PTK7: variants seen among roughly 807,000 people sequenced by gnomAD.
PTK7 encodes the protein inactive tyrosine-protein kinase 7.
In PTK7, 39 loss-of-function variants were observed where a neutral mutation model predicts 116.6. The ratio of observed to expected loss-of-function variants is 0.33; its 90% CI spans 0.26 to 0.44. PTK7 has a LOEUF of 0.44. Among genes scored for constraint, PTK7 ranks in the 20% least tolerant of loss-of-function variants. The pLI is 1.00. For synonymous variants in PTK7, 546 were observed against 563.6 expected (o/e 0.97, Z 0.44); for missense variants, 1,169 against 1,425.6 (o/e 0.82, Z 2.90).
At chr6:43,124,249 T>C (rs1582143857) in intron 1 of PTK7, among the ~76,000 whole-genome samples, 2 of 152,178 alleles carry the variant, frequency 1.3e-5, no homozygotes, top group African/African-American at 4.8e-5. Flanking sequence ...CCGCCTGCCT[T>C]CTTCTCTGTC....
intron 1 of PTK7, among the ~76,000 whole-genome samples, chr6:43,119,645 C>T (rs1265212791): frequency 6.6e-6 from 1 of 152,246 alleles, no homozygotes; most frequent in Non-Finnish European, 1.5e-5. Flanking sequence ...ACTGGGAGCA[C>T]TGGCTGAGCA....
intron 7 of PTK7, among the ~76,000 whole-genome samples, chr6:43,137,607 ATGT>A (rs1326146369): frequency 1.3e-5 from 2 of 152,216 alleles, no homozygotes; most frequent in Non-Finnish European, 2.9e-5. Flanking sequence ...CCAACCATTC[ATGT>A]TGTATTGAAG....
In PTK7 at chr6:43,132,557, T is replaced by C; in HGVS notation, c.1098T>C (p.His366=). 1 of 1,613,432 alleles carries C rather than the reference T, an allele frequency of 6.2e-7. No individual in the cohort carries two copies. Among genetic ancestry groups the C allele is most frequent in the South Asian group, 1.1e-5 (1 of 91,080 alleles). ...WEHAGVRLPT[H]GRVYQKGHEL... is the part of the protein sequence containing the mutation. Reference sequence around the variant, plus strand: ...ACGCGGGAGTCCGGCTGCCCACCCATGGCAGGGTCTACCAGAAGGGCCACG... The same window carrying C: ...ACGCGGGAGTCCGGCTGCCCACCCACGGCAGGGTCTACCAGAAGGGCCACG... Residue 366 remains histidine (H), a synonymous_variant, in exon 7 of 20, where the codon CAT becomes CAC. Coordinates refer to ENST00000230419, the MANE Select transcript of PTK7 (RefSeq NM_002821.5).
At chr6:43,159,001 AT>A in intron 18 of PTK7, 33 bp downstream of exon 18, 2 of 1,608,632 alleles carry the variant, frequency 1.2e-6, no homozygotes, top group Non-Finnish European at 8.5e-7. Context: ...GGGGCTCCCC[AT>A]TTTTTCCCAG....
intron 1 of PTK7, among the ~76,000 whole-genome samples, chr6:43,123,125 G>A (rs2011140593): frequency 6.6e-6 from 1 of 151,928 alleles, no homozygotes; most frequent in African/African-American, 2.4e-5. Context: ...GCCTGGTCCT[G>A]AGACATCTGA....
chr6:43,137,205 A>G (rs1770093444), intron 7 of PTK7, among the ~76,000 whole-genome samples: 1 of 152,194 alleles, frequency 6.6e-6, no homozygotes, highest in African/African-American at 2.4e-5. Flanking sequence ...TGAGACTAGA[A>G]TGTTAGGGCC....
chr6:43,127,717 C>T (rs532367016), intron 1 of PTK7, among the ~76,000 whole-genome samples: 1 of 152,068 alleles, frequency 6.6e-6, no homozygotes, highest in Admixed American at 6.6e-5. Flanking sequence ...ATCACGAGGT[C>T]AGGAGATCGA....
intron 1 of PTK7, among the ~76,000 whole-genome samples, chr6:43,106,106 G>C (rs1370492319): frequency 6.6e-6 from 1 of 151,730 alleles, no homozygotes; most frequent in Non-Finnish European, 1.5e-5. Context: ...TGTTGTTGGG[G>C]GACAGCCTGA....
chr6:43,128,795 A>G (rs1249701141), intron 1 of PTK7, among the ~76,000 whole-genome samples, 182 bp from the exon 2 acceptor site: 2 of 152,214 alleles, frequency 1.3e-5, no homozygotes, highest in East Asian at 3.8e-4. Context: ...AGAAATCTCA[A>G]AAAGAAAAAG....
At chr6:43,130,209 C>T (rs1430132110) in intron 3 of PTK7, 21 bp from the exon 4 acceptor site, 3 of 1,548,214 alleles carry the variant, frequency 1.9e-6, no homozygotes, top group South Asian at 1.2e-5. Flanking sequence ...CCCACCACTG[C>T]TGACTGTGTC....
intron 1 of PTK7, among the ~76,000 whole-genome samples, chr6:43,112,046 C>T (rs1212741877): frequency 2.0e-5 from 3 of 151,996 alleles, no homozygotes; most frequent in Non-Finnish European, 2.9e-5. Context: ...TGTCCAAGGT[C>T]ATACTCTTGG....
Position 43,129,966 on chromosome 6 carries a change from C to A in PTK7, c.470+137C>A. 1.1e-6 allele frequency: 1 copy of A among 946,662 alleles called. No homozygotes were observed. The highest frequency in any genetic ancestry group is 1.6e-6 in the Non-Finnish European group (1 of 620,498). 58.6% of individuals were successfully genotyped at this position (946,662 alleles called of 1,614,324 possible). A position where few individuals can be genotyped will look rare whatever the true frequency, so the allele number is the denominator to read the frequency against. On this transcript the variant is annotated intron_variant, in intron 3 of 19. Coordinates refer to ENST00000230419, the MANE Select transcript of PTK7 (RefSeq NM_002821.5). This position sits in a 1 kb window ranked among gnomAD's most constrained non-coding sequence, Gnocchi z 4.5. ...CACCACCACAGTGCTCTTCACCCTG[C>A]CCTCCCCCAGATATTGCCCTATGCC...
In PTK7 at chr6:43,139,558, G is replaced by T; in HGVS notation, c.1618+33G>T. The T allele has an allele frequency of 6.2e-7, 1 of 1,612,496 alleles. No individual in the cohort carries two copies. The highest frequency in any genetic ancestry group is 1.3e-5 in the African/African-American group (1 of 75,064). ...CAGTGCCGGCATAGGGTAGGGGCAGGCAGGCAGTTCACTGATCAGATACAT... is the reference window on the plus strand; with the variant it reads ...CAGTGCCGGCATAGGGTAGGGGCAGTCAGGCAGTTCACTGATCAGATACAT... On this transcript the variant is annotated intron_variant, in intron 10 of 19. Transcript: ENST00000230419. The surrounding 1 kb of genome is among the most constrained non-coding windows in gnomAD (Gnocchi z 4.6).
At chr6:43,142,387 G>C (rs751452153) in intron 13 of PTK7, 88 bp downstream of exon 13, 7 of 1,589,272 alleles carry the variant, frequency 4.4e-6, no homozygotes, top group Non-Finnish European at 6.0e-6. Context: ...ACAGAACATG[G>C]CACAGAAGCC....
At chr6:43,095,923 C>T (rs533966183) in intron 1 of PTK7, among the ~76,000 whole-genome samples, 1 of 152,276 alleles carries the variant, frequency 6.6e-6, no homozygotes, top group East Asian at 1.9e-4. Context: ...TAAACCAAGT[C>T]AACAAATACT....
intron 1 of PTK7, among the ~76,000 whole-genome samples, chr6:43,115,946 A>G (rs143459269): frequency 5.8e-5 from 4 of 68,690 alleles, no homozygotes; most frequent in Non-Finnish European, 8.8e-5. Flanking sequence ...AAAAAAAAAA[A>G]AGGCAGTGGG....
chr6:43,104,925 GTC>G (rs1767784755), intron 1 of PTK7, among the ~76,000 whole-genome samples: 1 of 145,370 alleles, frequency 6.9e-6, no homozygotes, highest in East Asian at 2.0e-4. Context: ...CCATTCTCCT[GTC>G]TCAGCCTCTT....
chr6:43,078,108 C>G (rs112666055), intron 1 of PTK7, among the ~76,000 whole-genome samples: 24 of 152,362 alleles, frequency 1.6e-4, no homozygotes, highest in African/African-American at 5.8e-4. Flanking sequence ...GCTGCCTTCA[C>G]TGCTGCTGTT....
intron 17 of PTK7, among the ~76,000 whole-genome samples, chr6:43,155,815 A>G (rs574728075): frequency 9.6e-4 from 146 of 152,240 alleles, no homozygotes; most frequent in Non-Finnish European, 1.8e-3. Flanking sequence ...AGAGATATTC[A>G]TATTCTAGAC....
Sources: gnomAD v4.1 joint callset for allele counts (sites outside exome capture counted in the v4.1 genomes callset) on GRCh38, gnomAD v4.1.1 for gene constraint, Gnocchi (gnomAD v3.1) non-coding constraint, MANE v1.5 for transcripts, NCBI Gene and HGNC (gene_info 2026-07-23, HGNC 2026-07-21) for gene names.